NPIPB12: variants seen among roughly 807,000 people sequenced by gnomAD.
NPIPB12 encodes nuclear pore complex-interacting protein family member B12.
At chr16:29,505,337 TG>T in intron 2 of NPIPB12, 135 bp downstream of exon 2, 1 of 769,076 alleles carries the variant, frequency 1.3e-6, no homozygotes, top group Non-Finnish European at 2.0e-6. Flanking sequence ...GCCACTTGTA[TG>T]GAAAGAAAAA....
upstream of NPIPB12, among the ~76,000 whole-genome samples, chr16:29,501,205 T>C (rs200414680): frequency 6.8e-5 from 5 of 73,168 alleles, no homozygotes; most frequent in African/African-American, 8.5e-5. Flanking sequence ...ACGGGCTGGG[T>C]GTGGTGGCTC....
upstream of NPIPB12, among the ~76,000 whole-genome samples, chr16:29,501,927 G>C (rs1264205409): frequency 2.2e-3 from 88 of 39,510 alleles, no homozygotes; most frequent in African/African-American, 6.6e-3. Flanking sequence ...GAGAGACCAA[G>C]TAAGTGGGGG....
At chr16:29,490,200 A>AT (rs1965062775) in intron 4 of NPIPB12, among the ~76,000 whole-genome samples, 1 of 30,418 alleles carries the variant, frequency 3.3e-5, no homozygotes, top group Non-Finnish European at 6.5e-5. Flanking sequence ...ATTGCTAAAC[A>AT]TTTTTTAACA....
At chr16:29,504,437 G>A (rs201646879), upstream of NPIPB12, among the ~76,000 whole-genome samples, 8,982 of 53,668 alleles carry the variant, frequency 0.17, 1 homozygote, top group East Asian at 0.25. Flanking sequence ...CCCGGGAGAC[G>A]GAGGTTGCAG....
intron 4 of NPIPB12, among the ~76,000 whole-genome samples, chr16:29,490,423 A>T (rs1488089201): frequency 2.7e-5 from 4 of 148,694 alleles, no homozygotes; most frequent in Non-Finnish European, 3.0e-5. Context: ...CAACATGGTG[A>T]ACCCGTCTCT....
intron 2 of NPIPB12, among the ~76,000 whole-genome samples, chr16:29,492,744 A>T: frequency 7.9e-6 from 1 of 127,126 alleles, no homozygotes; most frequent in African/African-American, 3.0e-5. Flanking sequence ...CAGTGAGCCA[A>T]GATCCCACCA....
chr16:29,497,026 TG>T (rs1292363436), intron 1 of NPIPB12, among the ~76,000 whole-genome samples: 1 of 23,232 alleles, frequency 4.3e-5, no homozygotes, highest in Non-Finnish European at 8.5e-5. Context: ...GTTATTTACT[TG>T]TTTTTTAAAT....
At chr16:29,501,913 A>T (rs1343498825), upstream of NPIPB12, among the ~76,000 whole-genome samples, 74 of 47,122 alleles carry the variant, frequency 1.6e-3, no homozygotes, top group African/African-American at 4.8e-3. Context: ...GGTGGTTGTA[A>T]AAGGAGAGAC....
chr16:29,501,908 T>G (rs1596718678), upstream of NPIPB12, among the ~76,000 whole-genome samples: 1 of 39,296 alleles, frequency 2.5e-5, no homozygotes, highest in Non-Finnish European at 5.1e-5. Flanking sequence ...GTTGTGGTGG[T>G]TGTAAAAGGA....
At chr16:29,497,157 A>G (rs565913272) in intron 1 of NPIPB12, among the ~76,000 whole-genome samples, 3 of 103,634 alleles carry the variant, frequency 2.9e-5, no homozygotes, top group African/African-American at 9.8e-5. Context: ...AAGTAAAAAA[A>G]AAAAAAAAAT....
intron 4 of NPIPB12, among the ~76,000 whole-genome samples, chr16:29,490,474 C>G (rs1417512215): frequency 2.0e-5 from 3 of 149,430 alleles, no homozygotes; most frequent in South Asian, 2.2e-4. Flanking sequence ...GTGGCTCACG[C>G]CTGTAATCCC....
At chr16:29,492,573 A>C (rs1965101382) in intron 2 of NPIPB12, among the ~76,000 whole-genome samples, 1 of 84,722 alleles carries the variant, frequency 1.2e-5, no homozygotes, top group African/African-American at 4.7e-5. Flanking sequence ...AGGCGGGTGA[A>C]TCACAAGGTC....
At chr16:29,504,510 ATATATGTGTG>A (rs1965212099) in intron 2 of NPIPB12, among the ~76,000 whole-genome samples, 3 of 95,478 alleles carry the variant, frequency 3.1e-5, no homozygotes, top group Non-Finnish European at 6.6e-5. Flanking sequence ...GTCTCAAAAA[ATATATGTGTG>A]TGTGTGTGTG....
intron 2 of NPIPB12, among the ~76,000 whole-genome samples, chr16:29,504,554 GTGTATC>G (rs1965215992): frequency 6.7e-6 from 1 of 148,652 alleles, no homozygotes; most frequent in East Asian, 1.9e-4. Flanking sequence ...GTGTGTGTGT[GTGTATC>G]TATATAAATC....
At chr16:29,504,759 CAAAGTT>C (rs1965220710) in intron 2 of NPIPB12, among the ~76,000 whole-genome samples, 1 of 29,488 alleles carries the variant, frequency 3.4e-5, no homozygotes, top group African/African-American at 1.2e-4. Flanking sequence ...CTCTTTTATT[CAAAGTT>C]ATAGAACATA....
chr16:29,498,278 C>A (rs1202950797), intron 1 of NPIPB12, among the ~76,000 whole-genome samples: 2 of 145,456 alleles, frequency 1.4e-5, no homozygotes, highest in Non-Finnish European at 3.0e-5. Context: ...CCAGCCTGGG[C>A]AACAAGGGAG....
At chr16:29,504,570 C>A (rs1223169180) in intron 2 of NPIPB12, among the ~76,000 whole-genome samples, 21 of 148,778 alleles carry the variant, frequency 1.4e-4, no homozygotes, top group Middle Eastern at 7.0e-3. Flanking sequence ...CTATATAAAT[C>A]TCAAAAATAA....
intron 1 of NPIPB12, among the ~76,000 whole-genome samples, chr16:29,498,410 T>C (rs1965168979): frequency 7.4e-5 from 9 of 121,634 alleles, no homozygotes; most frequent in Non-Finnish European, 1.5e-4. Flanking sequence ...AACTTACACT[T>C]AAGGTTATAT....
Position 29,487,536 on chromosome 16 carries a change from TATA to T in NPIPB12, c.450-140_450-138del. 1.1e-4 allele frequency: 8 copies of T among 71,260 alleles called. 2 individuals carry two copies. In the Admixed American group the frequency reaches 1.9e-3, roughly 16 times the overall value. The allele number at this position is 71,260 out of a possible 1,614,324, so 4.4% of individuals were successfully genotyped here. On this transcript the variant is annotated intron_variant, in intron 4 of 5. Transcript: ENST00000617311. ...ACCTAGAAAACGTATTTCAGATGGC[TATA>T]AGAGTACAGTCTGAGCCGGTCACGG...
Sources: allele counts gnomAD v4.1 joint callset (sites outside exome capture counted in the v4.1 genomes callset), GRCh38; gene constraint gnomAD v4.1.1; transcripts MANE v1.5; gene names NCBI Gene and HGNC (gene_info 2026-07-23, HGNC 2026-07-21).